Variants in XPR1 observed in about 807,000 individuals in gnomAD.
The protein encoded by XPR1 is solute carrier family 53 member 1.
In XPR1, 28 loss-of-function variants were observed where a neutral mutation model predicts 87.5. The observed-to-expected ratio is 0.32, with a 90% CI of 0.24 to 0.44. XPR1 has a LOEUF of 0.44. Ranked by LOEUF, XPR1 falls within the 20% of genes least tolerant of loss-of-function variation. The pLI, the probability that XPR1 is intolerant of heterozygous loss-of-function variation, is 1.00. For synonymous variants in XPR1, 300 were observed against 306.1 expected, an observed-to-expected ratio of 0.98 and a Z score of 0.21; for missense variants, 559 against 862.3, an observed-to-expected ratio of 0.65 and a Z score of 4.41.
intron 1 of XPR1, among the ~76,000 whole-genome samples, chr1:180,655,549 C>T (rs1465505287): frequency 6.6e-6 from 1 of 151,894 alleles, no homozygotes; most frequent in East Asian, 1.9e-4. Flanking sequence ...TATAGTCGTG[C>T]ACCTTCATAC....
intron 4 of XPR1, among the ~76,000 whole-genome samples, chr1:180,804,684 G>A (rs1026988837): frequency 6.6e-6 from 1 of 152,058 alleles, no homozygotes; most frequent in African/African-American, 2.4e-5. Flanking sequence ...GTTAATGCAT[G>A]TGTTTATCAT....
intron 10 of XPR1, 96 bp from the exon 11 acceptor site, chr1:180,836,425 CT>C: frequency 7.4e-7 from 1 of 1,358,706 alleles, no homozygotes; most frequent in Non-Finnish European, 1.0e-6. Flanking sequence ...AGGTTTTTTG[CT>C]TTTTTAGACT....
intron 2 of XPR1, among the ~76,000 whole-genome samples, chr1:180,712,741 G>A (rs1321134028): frequency 6.6e-6 from 1 of 152,058 alleles, no homozygotes; most frequent in African/African-American, 2.4e-5. Flanking sequence ...GGGAGGCGGA[G>A]GTTGCATTGA....
At position 180,632,116 on chromosome 1, in the gene XPR1, G is replaced by T; in HGVS notation, c.-86G>T. The T allele has an allele frequency of 6.7e-7, 1 of 1,491,950 alleles. No homozygotes were observed. The highest frequency in any genetic ancestry group is 9.2e-7 in the Non-Finnish European group (1 of 1,092,826). 92.4% of individuals were successfully genotyped at this position (1,491,950 alleles called of 1,614,324 possible). A position where few individuals can be genotyped will look rare whatever the true frequency, so the allele number is the denominator to read the frequency against. ...AAGCGCAGCGCCGCGCCGCGCCGGG[G>T]CCCATGTGGGGAGGAGTCGGAGTCG... On this transcript the variant is annotated 5_prime_UTR_variant, in exon 1 of 15. Transcript: ENST00000367590.
At chr1:180,771,466 T>A (rs1438589678) in intron 2 of XPR1, among the ~76,000 whole-genome samples, 1 of 152,174 alleles carries the variant, frequency 6.6e-6, no homozygotes, top group Non-Finnish European at 1.5e-5. Context: ...ACTAGGAGAT[T>A]AACATGTTGG....
At chr1:180,820,632 C>T (rs1650593563) in intron 7 of XPR1, among the ~76,000 whole-genome samples, 1 of 152,138 alleles carries the variant, frequency 6.6e-6, no homozygotes, top group African/African-American at 2.4e-5. Flanking sequence ...TCTGAGGAGC[C>T]ACCAAACTGT....
At chr1:180,865,947 C>T (rs1652375543) in intron 12 of XPR1, among the ~76,000 whole-genome samples, 1 of 152,140 alleles carries the variant, frequency 6.6e-6, no homozygotes, top group Admixed American at 6.5e-5. Flanking sequence ...CGTGGTGGCT[C>T]ACACCTGTAA....
chr1:180,842,470 AC>A (rs1651550469), intron 11 of XPR1, among the ~76,000 whole-genome samples: 1 of 152,214 alleles, frequency 6.6e-6, no homozygotes, highest in Non-Finnish European at 1.5e-5. Context: ...AAAGGAAAAC[AC>A]GTTTGAAATA....
intron 2 of XPR1, among the ~76,000 whole-genome samples, chr1:180,704,758 A>G (rs542298750): frequency 2.1e-5 from 3 of 144,364 alleles, no homozygotes; most frequent in South Asian, 4.3e-4. Flanking sequence ...CAGACTTGAC[A>G]TATATATTTC....
In XPR1 at chr1:180,760,159, A is replaced by T. The variant is rs1011550460; in HGVS notation, c.122-27594A>T. On this transcript the variant is annotated intron_variant, in intron 2 of 14. Transcript: ENST00000367590. ...ATGACATACCCACAGCCAATATCATACTGAATGGGCAAAAACTGGAAGCAT... is the reference window on the plus strand; with the variant it reads ...ATGACATACCCACAGCCAATATCATTCTGAATGGGCAAAAACTGGAAGCAT... Among the ~76,000 whole-genome samples, 4 of 152,212 alleles carry T rather than the reference A, an allele frequency of 2.6e-5. No homozygotes were observed. The South Asian group carries it at 8.3e-4, about 32-fold the overall frequency.
At chr1:180,882,170 T>G (rs943395020) in intron 14 of XPR1, among the ~76,000 whole-genome samples, 7 of 152,206 alleles carry the variant, frequency 4.6e-5, no homozygotes, top group Admixed American at 6.5e-5. Flanking sequence ...TAGATTATTC[T>G]GTTCCATTTC....
intron 3 of XPR1, among the ~76,000 whole-genome samples, chr1:180,798,531 T>A (rs1427497608): frequency 6.6e-6 from 1 of 152,190 alleles, no homozygotes; most frequent in African/African-American, 2.4e-5. Context: ...GAACCCCAAC[T>A]GGTTATTAGG....
At chr1:180,725,849 T>C (rs1202550416) in intron 2 of XPR1, among the ~76,000 whole-genome samples, 1 of 152,256 alleles carries the variant, frequency 6.6e-6, no homozygotes, top group African/African-American at 2.4e-5. Flanking sequence ...AATTGCTATG[T>C]GCCCTTAAGC....
At chr1:180,765,471 AG>A (rs1371397989) in intron 2 of XPR1, among the ~76,000 whole-genome samples, 1 of 152,196 alleles carries the variant, frequency 6.6e-6, no homozygotes, top group Non-Finnish European at 1.5e-5. Flanking sequence ...CCGAAAATCT[AG>A]GTCAAGTTCC....
intron 11 of XPR1, among the ~76,000 whole-genome samples, chr1:180,840,532 T>TTGTGTGTGTGTG (rs373937004): frequency 2.9e-3 from 325 of 110,410 alleles, no homozygotes; most frequent in Admixed American, 4.1e-3. Context: ...GTTAACATAT[T>TTGTGTGTGTGTG]TGTGTGTGTG....
At chr1:180,687,474 TC>T (rs1282539715) in intron 2 of XPR1, among the ~76,000 whole-genome samples, 1 of 152,182 alleles carries the variant, frequency 6.6e-6, no homozygotes, top group Non-Finnish European at 1.5e-5. Flanking sequence ...CTTTATACTT[TC>T]ATGTAAACAT....
intron 13 of XPR1, chr1:180,877,878 G>A (rs145347101): frequency 5.3e-5 from 8 of 152,200 alleles, no homozygotes; most frequent in Admixed American, 3.3e-4. Flanking sequence ...GCCCAGTGTA[G>A]ATATCTTTCA....
chr1:180,781,923 A>G (rs1379142727), intron 2 of XPR1, among the ~76,000 whole-genome samples: 1 of 151,904 alleles, frequency 6.6e-6, no homozygotes, highest in Non-Finnish European at 1.5e-5. Flanking sequence ...TATTAACAGT[A>G]ATTTGCGGGG....
Position 180,880,224 on chromosome 1 carries a change from C to CGAAACCGCCAGAAGAATCGGTCATGGAA in XPR1, c.1959_1986dup (p.Tyr663LysfsTer29). 6.2e-7 allele frequency: 1 copy of CGAAACCGCCAGAAGAATCGGTCATGGAA among 1,614,116 alleles called. No individual in the cohort carries two copies. Among genetic ancestry groups the CGAAACCGCCAGAAGAATCGGTCATGGAA allele is most frequent in the Non-Finnish European group, 8.5e-7 (1 of 1,180,014 alleles). ...GATGATGGACCAGGATGATGGGGTACGAAACCGCCAGAAGAATCGGTCATG... is the reference window on the plus strand; with the variant it reads ...GATGATGGACCAGGATGATGGGGTACGAAACCGCCAGAAGAATCGGTCATGGAAGAAACCGCCAGAAGAATCGGTCATG... On this transcript the variant is annotated frameshift_variant, in exon 14 of 15. Transcript: ENST00000367590. LOFTEE classifies it high-confidence loss of function.
Sources: gnomAD v4.1 joint callset for allele counts (sites outside exome capture counted in the v4.1 genomes callset) on GRCh38, gnomAD v4.1.1 for gene constraint, MANE v1.5 for transcripts, NCBI Gene and HGNC (gene_info 2026-07-23, HGNC 2026-07-21) for gene names.